The following GPR158 variants were observed in gnomAD, a reference collection of about 807,000 sequenced individuals.
GPR158 encodes the protein G protein-coupled receptor 158.
GPR158 carries 30 observed loss-of-function variants against 78.2 expected under a neutral mutation model. The ratio of observed to expected loss-of-function variants is 0.38; its 90% CI spans 0.29 to 0.52. The LOEUF is 0.52. Ranked by LOEUF, GPR158 falls within the 20% of genes least tolerant of loss-of-function variation. GPR158 has a pLI of 0.83. For missense variants in GPR158, 1,463 were observed against 1,523.5 expected (o/e 0.96, Z 0.66); for synonymous variants, 581 against 591.1 (o/e 0.98, Z 0.25).
chr10:25,397,341 C>G (rs941168157), intron 3 of GPR158, among the ~76,000 whole-genome samples: 6 of 152,058 alleles, frequency 3.9e-5, no homozygotes, highest in African/African-American at 1.4e-4. Flanking sequence ...GATATAATAC[C>G]CAAGAAGAAA....
chr10:25,333,127 A>T (rs1282396766), intron 2 of GPR158, among the ~76,000 whole-genome samples: 2 of 152,108 alleles, frequency 1.3e-5, no homozygotes, highest in East Asian at 3.9e-4. Context: ...TCAGTTGATT[A>T]TTTTTTAACT....
chr10:25,365,763 T>C (rs1383336552), intron 2 of GPR158, among the ~76,000 whole-genome samples: 1 of 151,640 alleles, frequency 6.6e-6, no homozygotes, highest in Non-Finnish European at 1.5e-5. Flanking sequence ...GACATATAAA[T>C]GTTTCATAAA....
At chr10:25,307,377 C>CT (rs561085223) in intron 2 of GPR158, among the ~76,000 whole-genome samples, 2,203 of 114,194 alleles carry the variant, frequency 0.019, 68 homozygotes, top group African/African-American at 0.072. Context: ...ATTTTAATTG[C>CT]TTTTTTTTTT....
At chr10:25,264,275 T>A (rs1854011104) in intron 2 of GPR158, among the ~76,000 whole-genome samples, 1 of 152,168 alleles carries the variant, frequency 6.6e-6, no homozygotes, top group Admixed American at 6.5e-5. Context: ...GTCTGCAGTT[T>A]CCATTATGAT....
intron 5 of GPR158, among the ~76,000 whole-genome samples, chr10:25,528,842 T>C (rs1468026886): frequency 6.6e-6 from 1 of 152,162 alleles, no homozygotes; most frequent in African/African-American, 2.4e-5. Context: ...GCTAGAGGAT[T>C]TATACTATGG....
intron 5 of GPR158, among the ~76,000 whole-genome samples, chr10:25,505,429 G>A (rs1156360570): frequency 6.6e-6 from 1 of 152,040 alleles, no homozygotes; most frequent in African/African-American, 2.4e-5. Context: ...GGTCCACCTC[G>A]GTGTCTGCAT....
intron 2 of GPR158, among the ~76,000 whole-genome samples, chr10:25,289,868 TA>T (rs1451341556): frequency 6.6e-6 from 1 of 152,200 alleles, no homozygotes; most frequent in Non-Finnish European, 1.5e-5. Context: ...CAGTTATAGA[TA>T]ATAACCTTAG....
intron 2 of GPR158, among the ~76,000 whole-genome samples, chr10:25,253,484 CCTAA>C (rs1451866958): frequency 2.6e-5 from 4 of 152,236 alleles, no homozygotes; most frequent in African/African-American, 7.2e-5. Flanking sequence ...TAAGGGGAAT[CCTAA>C]CTGAGAGTCC....
chr10:25,184,047 G>A (rs1395080578), intron 1 of GPR158, among the ~76,000 whole-genome samples: 1 of 152,148 alleles, frequency 6.6e-6, no homozygotes, highest in East Asian at 1.9e-4. Context: ...TTTTATATTT[G>A]ATGAAATGTG....
chr10:25,572,570 C>T (rs948065493), intron 6 of GPR158, 79 bp from the exon 7 acceptor site: 2 of 951,002 alleles, frequency 2.1e-6, no homozygotes, highest in Non-Finnish European at 1.7e-6. Flanking sequence ...TTACATTTTA[C>T]CTAGAAAAAT....
At chr10:25,556,714 G>T (rs988586818) in intron 6 of GPR158, among the ~76,000 whole-genome samples, 7 of 152,206 alleles carry the variant, frequency 4.6e-5, no homozygotes, top group African/African-American at 9.6e-5. Context: ...GCCAAGGAAA[G>T]TCTGCTAGCC....
At chr10:25,357,875 C>CTT (rs1855574959) in intron 2 of GPR158, among the ~76,000 whole-genome samples, 1 of 152,068 alleles carries the variant, frequency 6.6e-6, no homozygotes, top group South Asian at 2.1e-4. Flanking sequence ...TCACTGAGAG[C>CTT]TTGTACTATG....
chr10:25,574,157 A>C (rs1485585279), intron 7 of GPR158, among the ~76,000 whole-genome samples: 4 of 150,248 alleles, frequency 2.7e-5, no homozygotes, highest in Non-Finnish European at 5.9e-5. Context: ...AAAAAAAAAA[A>C]AAAAAAAAAA....
chr10:25,235,886 C>T (rs889693288), intron 2 of GPR158, among the ~76,000 whole-genome samples: 14 of 151,666 alleles, frequency 9.2e-5, no homozygotes, highest in South Asian at 2.1e-4. Flanking sequence ...TTAGTAGAGA[C>T]GGGGTTTCAT....
At chr10:25,582,114 T>TG (rs35041765) in intron 7 of GPR158, among the ~76,000 whole-genome samples, 29 of 151,952 alleles carry the variant, frequency 1.9e-4, no homozygotes, top group South Asian at 4.2e-4. Context: ...CATGGTGGGG[T>TG]GGGGGGTCTC....
intron 8 of GPR158, 107 bp downstream of exon 8, chr10:25,589,252 A>G: frequency 1.4e-6 from 1 of 700,482 alleles, no homozygotes; most frequent in Non-Finnish European, 2.2e-6. Flanking sequence ...TAGCAAAGAT[A>G]GCATTTTATA....
At chr10:25,471,162 A>G (rs180716309) in intron 5 of GPR158, among the ~76,000 whole-genome samples, 179 of 143,108 alleles carry the variant, frequency 1.3e-3, no homozygotes, top group African/African-American at 4.4e-3. Flanking sequence ...CCTGTGTCCA[A>G]CTGTTCTCAT....
chr10:25,309,998 G>A (rs571930451), intron 2 of GPR158, among the ~76,000 whole-genome samples: 1 of 152,130 alleles, frequency 6.6e-6, no homozygotes, highest in African/African-American at 2.4e-5. Flanking sequence ...TGAATCAAAT[G>A]TCATGAAGCT....
intron 3 of GPR158, among the ~76,000 whole-genome samples, chr10:25,396,890 T>G (rs895122860): frequency 6.6e-6 from 1 of 152,158 alleles, no homozygotes; most frequent in Non-Finnish European, 1.5e-5. Flanking sequence ...AAGAATTCAG[T>G]TCCTTGCATT....
Sources: gnomAD v4.1 joint callset for allele counts (sites outside exome capture counted in the v4.1 genomes callset) on GRCh38, gnomAD v4.1.1 for gene constraint, MANE v1.5 for transcripts, NCBI Gene and HGNC (gene_info 2026-07-23, HGNC 2026-07-21) for gene names.